OXR1: variants seen among roughly 807,000 people sequenced by gnomAD.
OXR1 encodes oxidation resistance 1, also known as oxidation resistance protein 1.
Under a neutral mutation model 104.6 loss-of-function variants are expected in OXR1, and 41 were observed. The ratio of observed to expected loss-of-function variants is 0.39; its 90% confidence interval spans 0.31 to 0.51. The LOEUF is 0.51. Ranked by LOEUF, OXR1 falls within the 20% of genes least tolerant of loss-of-function variation. OXR1 has a pLI of 0.77. For missense variants in OXR1, 955 were observed against 1,031.9 expected (o/e 0.93, Z 1.02); for synonymous variants, 348 against 348.4 (o/e 1.00, Z 0.01).
At chr8:106,437,638 G>A (rs545303366) in intron 2 of OXR1, among the ~76,000 whole-genome samples, 9 of 152,248 alleles carry the variant, frequency 5.9e-5, no homozygotes, top group African/African-American at 2.2e-4. Flanking sequence ...ATCCCAATTT[G>A]ACATTGGCTC....
rs539196413 is a variant in OXR1, at chr8:106,568,930, ACTATATATTT to A, written c.220+49795_220+49804del. 6.4e-4 allele frequency among the ~76,000 whole-genome samples: 98 copies of A among 152,254 alleles called. 1 individual carries two copies. In the South Asian group the frequency reaches 0.012, roughly 19 times the overall value. ...AAACGTGTACAAAACAAGAGTTAAT[ACTATATATTT>A]CTAATGTAAGCATCAGAATAAGTGT... On this transcript the variant is annotated intron_variant, in intron 3 of 16. Coordinates refer to ENST00000517566, the MANE Select transcript of OXR1 (RefSeq NM_001198533.2).
chr8:106,710,078 G>C (rs568462365), intron 9 of OXR1, among the ~76,000 whole-genome samples: 109 of 152,228 alleles, frequency 7.2e-4, no homozygotes, highest in African/African-American at 2.1e-3. Flanking sequence ...GGTTGAAAGA[G>C]TTAGAACTAA....
chr8:106,382,633 TC>T (rs1817194589), intron 2 of OXR1, among the ~76,000 whole-genome samples: 1 of 148,846 alleles, frequency 6.7e-6, no homozygotes, highest in East Asian at 2.0e-4. Flanking sequence ...GTCCCGGCAA[TC>T]CGGTATTTTC....
chr8:106,750,335 T>C (rs1465871615), intron 16 of OXR1, among the ~76,000 whole-genome samples: 2 of 147,680 alleles, frequency 1.4e-5, no homozygotes, highest in Non-Finnish European at 3.0e-5. Context: ...TTTTTTTTTT[T>C]TTTTTTTGAG....
At chr8:106,612,099 G>GT (rs11443786) in intron 3 of OXR1, among the ~76,000 whole-genome samples, 90,322 of 150,594 alleles carry the variant, frequency 0.6, 28,123 homozygotes, top group African/African-American at 0.79. Flanking sequence ...TTCTCCTTCA[G>GT]TTTTTTTTTG....
chr8:106,531,253 CTT>C (rs1269495078), intron 3 of OXR1, among the ~76,000 whole-genome samples: 7 of 152,150 alleles, frequency 4.6e-5, no homozygotes, highest in Admixed American at 3.9e-4. Context: ...TAAATGAACT[CTT>C]TTAACTAATG....
At chr8:106,608,367 C>T (rs1046137130) in intron 3 of OXR1, among the ~76,000 whole-genome samples, 5 of 152,064 alleles carry the variant, frequency 3.3e-5, no homozygotes, top group Non-Finnish European at 4.4e-5. Flanking sequence ...TACCTGTGCT[C>T]ATGTACTTTA....
chr8:106,664,907 A>G (rs1481633781), intron 3 of OXR1, among the ~76,000 whole-genome samples: 1 of 152,204 alleles, frequency 6.6e-6, no homozygotes, highest in Non-Finnish European at 1.5e-5. Context: ...ATGATGTGTA[A>G]AGAAACCAAT....
At chr8:106,389,169 A>T (rs1817500700) in intron 2 of OXR1, among the ~76,000 whole-genome samples, 1 of 152,222 alleles carries the variant, frequency 6.6e-6, no homozygotes, top group Non-Finnish European at 1.5e-5. Context: ...TGTAATGATG[A>T]CATTGAGTCA....
chr8:106,415,223 A>G (rs1818623260), intron 2 of OXR1, among the ~76,000 whole-genome samples: 1 of 152,128 alleles, frequency 6.6e-6, no homozygotes, highest in Admixed American at 6.6e-5. Context: ...GTAAATATTC[A>G]GTGTGTTTTT....
intron 2 of OXR1, among the ~76,000 whole-genome samples, chr8:106,490,944 A>T (rs1177796314): frequency 2.0e-5 from 3 of 152,156 alleles, no homozygotes; most frequent in African/African-American, 7.2e-5. Flanking sequence ...TTATATATTT[A>T]TATGATTTAT....
chr8:106,724,520 G>A (rs1443761513), intron 11 of OXR1, among the ~76,000 whole-genome samples: 1 of 152,222 alleles, frequency 6.6e-6, no homozygotes, highest in African/African-American at 2.4e-5. Flanking sequence ...GTTTCTCGAA[G>A]TGTAGTTCCC....
chr8:106,679,271 TA>T lies in OXR1; in HGVS notation c.285del (p.Thr97LeufsTer12). ...GAAGACGAATGTCTTTTCAGAAACC[TA>T]AAGGGACTATTGAGTATACTGTAAG... is the stretch of plus-strand genomic sequence containing the variant. Reference protein sequence around the residue: ...DGRRMSFQKPKGTIEYTVESR... With the variant: ...DGRRMSFQKPXGTIEYTVESR... On this transcript the variant is annotated frameshift_variant, in exon 4 of 17. Transcript: ENST00000517566. LOFTEE classifies it high-confidence loss of function. The T allele has an allele frequency of 6.3e-7, 1 of 1,598,924 alleles. No homozygotes were observed.
At chr8:106,419,084 T>C (rs1048340365) in intron 2 of OXR1, among the ~76,000 whole-genome samples, 1 of 152,162 alleles carries the variant, frequency 6.6e-6, no homozygotes, top group African/African-American at 2.4e-5. Flanking sequence ...CTGACTCCAT[T>C]GAAATGTCAA....
At chr8:106,645,420 A>T (rs959941248) in intron 3 of OXR1, among the ~76,000 whole-genome samples, 3 of 152,162 alleles carry the variant, frequency 2.0e-5, no homozygotes, top group African/African-American at 7.2e-5. Flanking sequence ...TTCTCTCTTG[A>T]GAGGCAATTA....
chr8:106,512,556 G>A (rs1400709952), intron 2 of OXR1, among the ~76,000 whole-genome samples: 2 of 152,070 alleles, frequency 1.3e-5, no homozygotes, highest in Non-Finnish European at 2.9e-5. Flanking sequence ...GGTGATTCCA[G>A]TGAAGAACTC....
intron 1 of OXR1, among the ~76,000 whole-genome samples, chr8:106,328,777 G>A (rs538189389): frequency 3.3e-5 from 5 of 152,324 alleles, no homozygotes; most frequent in Non-Finnish European, 5.9e-5. Flanking sequence ...CACATTTAAT[G>A]AGTCTCAGAG....
intron 11 of OXR1, among the ~76,000 whole-genome samples, chr8:106,732,615 T>A (rs1490710024): frequency 6.6e-6 from 1 of 152,162 alleles, no homozygotes; most frequent in Non-Finnish European, 1.5e-5. Flanking sequence ...ACTAGTGCAT[T>A]TTTTGTATCT....
intron 1 of OXR1, among the ~76,000 whole-genome samples, chr8:106,300,561 T>A (rs574459900): frequency 3.2e-4 from 49 of 151,828 alleles, no homozygotes; most frequent in African/African-American, 9.2e-4. Flanking sequence ...ACAAAATGAG[T>A]CATTTGCAAC....
Sources: allele counts gnomAD v4.1 joint callset (sites outside exome capture counted in the v4.1 genomes callset), GRCh38; gene constraint gnomAD v4.1.1; transcripts MANE v1.5; gene names NCBI Gene and HGNC (gene_info 2026-07-23, HGNC 2026-07-21).